Variants in GGNBP2 observed in about 807,000 individuals in gnomAD.
GGNBP2 encodes the protein gametogenetin binding protein 2, also known as gametogenetin-binding protein 2.
Under a neutral mutation model 85.9 loss-of-function variants are expected in GGNBP2, and 10 were observed. The ratio of observed to expected loss-of-function variants is 0.12; its 90% CI spans 0.07 to 0.20. The LOEUF is 0.20. Among genes scored for constraint, GGNBP2 ranks in the 10% least tolerant of loss-of-function variants. GGNBP2 has a pLI of 1.00. For synonymous variants in GGNBP2, 287 were observed against 285.7 expected, an observed-to-expected ratio of 1.00 and a Z score of -0.05; for missense variants, 595 against 857.8, an observed-to-expected ratio of 0.69 and a Z score of 3.83.
chr17:36,557,037 T>C, intron 3 of GGNBP2, 46 bp from the exon 4 acceptor site: 1 of 1,609,412 alleles, frequency 6.2e-7, no homozygotes, highest in Non-Finnish European at 8.5e-7. Flanking sequence ...AGTGTAATTT[T>C]ACGTCTTTTT....
chr17:36,587,917 G>A (rs1337343094), intron 13 of GGNBP2, among the ~76,000 whole-genome samples: 2 of 152,170 alleles, frequency 1.3e-5, no homozygotes, highest in African/African-American at 4.8e-5. Flanking sequence ...ATTGACCATT[G>A]TTAAGTCAGG....
chr17:36,565,786 C>G (rs1567824253), intron 5 of GGNBP2, among the ~76,000 whole-genome samples: 1 of 152,090 alleles, frequency 6.6e-6, no homozygotes, highest in African/African-American at 2.4e-5. Flanking sequence ...GTCCCAGCTA[C>G]TTGGGAGGCT....
intron 4 of GGNBP2, among the ~76,000 whole-genome samples, chr17:36,558,247 C>G (rs1209033825): frequency 6.6e-6 from 1 of 150,960 alleles, no homozygotes; most frequent in African/African-American, 2.4e-5. Context: ...AACCGAGTCT[C>G]TACTAAAAAT....
rs2074734146 is a variant in GGNBP2 at position 36,589,229 on chromosome 17, G to C, written c.1912G>C (p.Asp638His). ...GCAGGATGAGTCTGAATGTACTTCAGATGAGGAAATCTTTATCTCACAAGA... is the reference window on the plus strand; with the variant it reads ...GCAGGATGAGTCTGAATGTACTTCACATGAGGAAATCTTTATCTCACAAGA... ...ELLDESECTS[D>H]EEIFISQDEI... The change falls in exon 14 of 14, where the codon GAT becomes CAT. Residue 638 changes from aspartate (D) to histidine (H), a missense_variant. Transcript: ENST00000613102. The C allele has an allele frequency of 1.9e-6, 3 of 1,612,308 alleles. No individual in the cohort carries two copies. The highest frequency in any genetic ancestry group is 1.3e-5 in the African/African-American group (1 of 74,886).
Position 36,585,821 on chromosome 17 carries a change from T to G in GGNBP2, c.1367-19T>G. 6.2e-7 allele frequency: 1 copy of G among 1,608,584 alleles called. No individual in the cohort carries two copies. Among genetic ancestry groups the G allele is most frequent in the Non-Finnish European group, 8.5e-7 (1 of 1,175,534 alleles). Reference sequence around the variant, plus strand: ...CTTATTGGTATGTTAATAGTAACTCTCACTTGATTTATTCTCAGGCTTATC... The same window carrying G: ...CTTATTGGTATGTTAATAGTAACTCGCACTTGATTTATTCTCAGGCTTATC... On this transcript the variant is annotated intron_variant, in intron 10 of 13. Coordinates refer to ENST00000613102, the MANE Select transcript of GGNBP2 (RefSeq NM_024835.5).
rs181980445 is a variant in GGNBP2 at position 36,575,399 on chromosome 17, A to T, written c.642-2584A>T. The T allele has an allele frequency of 1.4e-3, 385 of 271,558 alleles. 2 individuals carry two copies. The highest frequency in any genetic ancestry group is 8.0e-3 in the African/African-American group (354 of 44,296). The allele number at this position is 271,558 out of a possible 1,614,324, so 16.8% of individuals were successfully genotyped here. ...GTGCTTTTGGTGTCATAGCCAGGAAATCATCACTTAGTCCAGTGTCATGAA... is the reference window on the plus strand; with the variant it reads ...GTGCTTTTGGTGTCATAGCCAGGAATTCATCACTTAGTCCAGTGTCATGAA... On this transcript the variant is annotated intron_variant, in intron 6 of 13. Transcript: ENST00000613102.
At chr17:36,555,061 A>G (rs1312537692) in intron 3 of GGNBP2, among the ~76,000 whole-genome samples, 161 bp downstream of exon 3, 5 of 152,198 alleles carry the variant, frequency 3.3e-5, no homozygotes, top group South Asian at 2.1e-4. Flanking sequence ...AGTTATTTAC[A>G]TGATTTATGT....
At chr17:36,575,646 A>AT (rs1360835058) in intron 6 of GGNBP2, among the ~76,000 whole-genome samples, 768 of 54,502 alleles carry the variant, frequency 0.014, 3 homozygotes, top group Middle Eastern at 0.024. Context: ...ATATATATAT[A>AT]TATTTTTTTT....
intron 4 of GGNBP2, among the ~76,000 whole-genome samples, chr17:36,558,414 C>CAA (rs755597241): frequency 6.7e-3 from 122 of 18,234 alleles, no homozygotes; most frequent in East Asian, 0.012. Context: ...AGCTCCATCT[C>CAA]AAAAAAAAAA....
intron 3 of GGNBP2, 92 bp downstream of exon 3, chr17:36,554,992 T>C: frequency 3.9e-6 from 3 of 763,542 alleles, no homozygotes; most frequent in Non-Finnish European, 6.8e-6. Context: ...TATAGGATTC[T>C]CTAGGTCTTA....
chr17:36,546,045 CCTT>C (rs1254167741), intron 2 of GGNBP2: 4 of 501,018 alleles, frequency 8.0e-6, no homozygotes, highest in Non-Finnish European at 1.4e-5. Context: ...TCCAGATTTT[CCTT>C]CTTTTGGAAC....
At chr17:36,559,457 T>G (rs929246412) in intron 4 of GGNBP2, among the ~76,000 whole-genome samples, 1 of 152,208 alleles carries the variant, frequency 6.6e-6, no homozygotes, top group East Asian at 1.9e-4. Flanking sequence ...GGGTTAGAGA[T>G]GTAAATTTGT....
chr17:36,558,369 C>T (rs536152590), intron 4 of GGNBP2, among the ~76,000 whole-genome samples: 10 of 126,084 alleles, frequency 7.9e-5, no homozygotes, highest in African/African-American at 2.8e-4. Context: ...GAGCTGAGAT[C>T]GCACATTGCA....
intron 5 of GGNBP2, among the ~76,000 whole-genome samples, chr17:36,561,692 C>T (rs113393752): frequency 0.026 from 4,005 of 152,064 alleles, 157 homozygotes; most frequent in African/African-American, 0.09. Context: ...GGCGTCATCT[C>T]GGCTCACTGC....
intron 6 of GGNBP2, chr17:36,574,898 GC>G: frequency 1.2e-6 from 1 of 811,308 alleles, no homozygotes. Flanking sequence ...GATGGCAGTG[GC>G]CACCTCCTTG....
intron 10 of GGNBP2, 32 bp from the exon 11 acceptor site, chr17:36,585,808 T>A: frequency 2.5e-6 from 4 of 1,596,688 alleles, no homozygotes; most frequent in Non-Finnish European, 3.4e-6. Context: ...TATTGGTATG[T>A]TAATAGTAAC....
intron 6 of GGNBP2, among the ~76,000 whole-genome samples, chr17:36,573,999 T>C (rs1157066125): frequency 6.6e-6 from 1 of 151,576 alleles, no homozygotes; most frequent in Non-Finnish European, 1.5e-5. Context: ...AGTGGTTCTT[T>C]ATATTCTGGC....
chr17:36,586,382 C>A, intron 12 of GGNBP2, 184 bp downstream of exon 12: 5 of 632,764 alleles, frequency 7.9e-6, no homozygotes, highest in South Asian at 2.2e-5. Context: ...GAGATGTGAT[C>A]ATTTGTGCAA....
chr17:36,565,261 A>G (rs768634877), intron 5 of GGNBP2, among the ~76,000 whole-genome samples: 16 of 152,318 alleles, frequency 1.1e-4, no homozygotes, highest in East Asian at 1.9e-4. Flanking sequence ...CCAGGTTGCA[A>G]TGATTGAAAA....
Sources: gnomAD v4.1 joint callset for allele counts (sites outside exome capture counted in the v4.1 genomes callset) on GRCh38, gnomAD v4.1.1 for gene constraint, MANE v1.5 for transcripts, NCBI Gene and HGNC (gene_info 2026-07-23, HGNC 2026-07-21) for gene names.